Variants in MBOAT1 observed in about 807,000 individuals in gnomAD.
MBOAT1 encodes membrane-bound glycerophospholipid O-acyltransferase 1.
A neutral mutation model predicts 64.4 loss-of-function variants in MBOAT1; 67 were observed. That is an observed-to-expected ratio of 1.04 (90% CI 0.85 to 1.27). MBOAT1 has a LOEUF of 1.27. Ranked by LOEUF, MBOAT1 falls within the 50% of genes most tolerant of loss-of-function variation. The pLI, the probability that MBOAT1 is intolerant of heterozygous loss-of-function variation, is 0.00. For synonymous variants in MBOAT1, 229 were observed against 218.9 expected (o/e 1.05, Z -0.41); for missense variants, 563 against 604.6 (o/e 0.93, Z 0.72).
At chr6:20,175,937 T>A (rs1762332022) in intron 1 of MBOAT1, among the ~76,000 whole-genome samples, 2 of 152,288 alleles carry the variant, frequency 1.3e-5, no homozygotes, top group Admixed American at 1.3e-4. Context: ...ATATATACTT[T>A]TCTCTTCACA....
chr6:20,189,436 C>A (rs1265079352), intron 1 of MBOAT1, among the ~76,000 whole-genome samples: 2 of 152,164 alleles, frequency 1.3e-5, no homozygotes, highest in Admixed American at 1.3e-4. Context: ...GTTGCCCAGG[C>A]TGGAGTGCAG....
chr6:20,154,435 A>G (rs1761616894), intron 1 of MBOAT1, among the ~76,000 whole-genome samples: 1 of 152,194 alleles, frequency 6.6e-6, no homozygotes, highest in Non-Finnish European at 1.5e-5. Context: ...TGGGAGGCTG[A>G]AGCAGGAGAA....
chr6:20,106,174 G>A (rs1759950764), intron 12 of MBOAT1, among the ~76,000 whole-genome samples: 1 of 152,194 alleles, frequency 6.6e-6, no homozygotes, highest in Admixed American at 6.5e-5. Context: ...AAAAAGCTAC[G>A]CAATTTTATT....
intron 1 of MBOAT1, among the ~76,000 whole-genome samples, chr6:20,163,426 G>A (rs536259930): frequency 6.6e-6 from 1 of 152,240 alleles, no homozygotes; most frequent in African/African-American, 2.4e-5. Flanking sequence ...CTACCTCCCA[G>A]GAACTGTTTT....
At position 20,106,560 on chromosome 6, in the gene MBOAT1, C is replaced by T. The variant is rs550198645; in HGVS notation, c.1361+3038G>A. On this transcript the variant is annotated intron_variant, in intron 12 of 12. Coordinates refer to ENST00000324607, the MANE Select transcript of MBOAT1 (RefSeq NM_001080480.3). The stretch of plus-strand genomic sequence containing the variant: ...GCCTCAGCCTCCTGAGTAGCTGGGA[C>T]TACAGGCACATGCCACCATGCCCAG... 7.2e-5 allele frequency among the ~76,000 whole-genome samples: 11 copies of T among 152,232 alleles called. No individual in the cohort carries two copies. The East Asian group carries it at 1.9e-3, about 27-fold the overall frequency.
At chr6:20,205,102 G>A (rs1244265980) in intron 1 of MBOAT1, among the ~76,000 whole-genome samples, 2 of 152,118 alleles carry the variant, frequency 1.3e-5, no homozygotes, top group Non-Finnish European at 2.9e-5. Context: ...GGGAAGCTGA[G>A]GCAGGAGGAT....
chr6:20,123,659 TAAC>T (rs1353145178), intron 8 of MBOAT1, among the ~76,000 whole-genome samples: 1 of 151,112 alleles, frequency 6.6e-6, no homozygotes. Context: ...CATAAAAACC[TAAC>T]AACGGTTCCT....
At chr6:20,162,308 G>A (rs1299278566) in intron 1 of MBOAT1, among the ~76,000 whole-genome samples, 1 of 152,124 alleles carries the variant, frequency 6.6e-6, no homozygotes, top group African/African-American at 2.4e-5. Context: ...CTACAGCTAG[G>A]AAGCAGGTAA....
At chr6:20,175,451 T>G (rs570515115) in intron 1 of MBOAT1, among the ~76,000 whole-genome samples, 4 of 151,854 alleles carry the variant, frequency 2.6e-5, no homozygotes, top group Admixed American at 6.6e-5. Context: ...ATTTATTTAT[T>G]TATTTATTTT....
chr6:20,212,349 T>G lies in MBOAT1; in HGVS notation c.-115A>C. ...CCCGAGAGGCGCACGGCCGCCTGGT[T>G]CGCGGGGGAGCGAACGGGAGGCCGG... On this transcript the variant is annotated 5_prime_UTR_variant, in exon 1 of 13. Transcript: ENST00000324607. 1.1e-6 allele frequency: 1 copy of G among 922,304 alleles called. No individual in the cohort carries two copies. Among genetic ancestry groups the G allele is most frequent in the African/African-American group, 1.7e-5 (1 of 59,540 alleles). The allele number at this position is 922,304 out of a possible 1,614,324, so 57.1% of individuals were successfully genotyped here.
chr6:20,127,522 C>T lies in MBOAT1; in HGVS notation c.531-822G>A, dbSNP rs146615152. 3.3e-5 allele frequency among the ~76,000 whole-genome samples: 5 copies of T among 152,232 alleles called. No individual in the cohort carries two copies. The East Asian group carries it at 5.8e-4, about 18-fold the overall frequency. On this transcript the variant is annotated intron_variant, in intron 6 of 12. Transcript: ENST00000324607. ...AGCCTCTCCCCATCACTTACATTAC[C>T]GCCTGAGCGCCACCTAATGTCAGAT...
Position 20,112,962 on chromosome 6 carries a change from T to G in MBOAT1, c.1123A>C (p.Ile375Leu), listed in dbSNP as rs760834607. The G allele has an allele frequency of 1.2e-5, 19 of 1,613,948 alleles. No homozygotes were observed. The highest frequency in any genetic ancestry group is 1.6e-5 in the Non-Finnish European group (19 of 1,179,994). The change falls in exon 11 of 13, where the codon ATC (isoleucine) becomes CTC (leucine). Residue 375 changes from isoleucine to leucine, a missense_variant. Coordinates refer to ENST00000324607, the MANE Select transcript of MBOAT1 (RefSeq NM_001080480.3). ...ACACCATGCCACAAAGCAGACAGGA[T>G]GAAGGTTAGCACCGTGGGGTACCAT... ...VPWYPTVLTF[I>L]LSALWHGVYP...
intron 4 of MBOAT1, among the ~76,000 whole-genome samples, chr6:20,142,821 C>T (rs958960079): frequency 3.3e-5 from 5 of 152,288 alleles, no homozygotes; most frequent in Admixed American, 6.5e-5. Context: ...CACAATGTGG[C>T]GGAGAGGGCA....
rs185247664 is a variant in MBOAT1, at chr6:20,192,383, T to C, written c.99+19753A>G. Among the ~76,000 whole-genome samples the C allele has an allele frequency of 9.0e-4, 137 of 152,280 alleles. 1 individual carries two copies. The highest frequency in any genetic ancestry group is 2.9e-3 in the African/African-American group (120 of 41,552). On this transcript the variant is annotated intron_variant, in intron 1 of 12. Coordinates refer to ENST00000324607, the MANE Select transcript of MBOAT1 (RefSeq NM_001080480.3). ...TTGAGTCTCTTCTTTCTCTTCCAGC[T>C]ACTAACTAAAAACCAAATTTTCCTT...
At chr6:20,109,488 C>A in intron 12 of MBOAT1, 110 bp downstream of exon 12, 2 of 1,330,094 alleles carry the variant, frequency 1.5e-6, no homozygotes, top group Non-Finnish European at 2.1e-6. Context: ...ACACTGAAGC[C>A]CCAGTTAGAA....
At position 20,153,702 on chromosome 6, in the gene MBOAT1, C is replaced by T. The variant is rs557625773; in HGVS notation, c.100-933G>A. Among the ~76,000 whole-genome samples the T allele has an allele frequency of 3.0e-4, 46 of 152,142 alleles. 1 individual carries two copies. Among genetic ancestry groups the T allele is most frequent in the Admixed American group, 1.7e-3 (26 of 15,282 alleles). Reference sequence around the variant, plus strand: ...AATAGTGACACAGCCCTGCATTTAACGTCCAGTGCCAAGCCTGTCCAGTTA... The same window carrying T: ...AATAGTGACACAGCCCTGCATTTAATGTCCAGTGCCAAGCCTGTCCAGTTA... On this transcript the variant is annotated intron_variant, in intron 1 of 12. Transcript: ENST00000324607.
intron 4 of MBOAT1, among the ~76,000 whole-genome samples, chr6:20,141,353 CTTTTTCTTTTTT>C (rs1217587296): frequency 9.5e-6 from 1 of 105,590 alleles, no homozygotes; most frequent in African/African-American, 3.2e-5. Context: ...TTTTCTTTTT[CTTTTTCTTTTTT>C]TTTTTTTTTT....
intron 1 of MBOAT1, among the ~76,000 whole-genome samples, chr6:20,198,513 A>C (rs1323310477): frequency 6.6e-6 from 1 of 152,210 alleles, no homozygotes; most frequent in Non-Finnish European, 1.5e-5. Context: ...TCTAGTCTTC[A>C]CTGATGGTCA....
intron 1 of MBOAT1, among the ~76,000 whole-genome samples, chr6:20,167,318 T>C (rs1762042372): frequency 6.6e-6 from 1 of 152,238 alleles, no homozygotes; most frequent in Non-Finnish European, 1.5e-5. Context: ...TTAAATTTCA[T>C]AAATACCACC....
Sources: gnomAD v4.1 joint callset for allele counts (sites outside exome capture counted in the v4.1 genomes callset) on GRCh38, gnomAD v4.1.1 for gene constraint, MANE v1.5 for transcripts, NCBI Gene and HGNC (gene_info 2026-07-23, HGNC 2026-07-21) for gene names.